The following MAPK12 variants were observed in gnomAD, a reference collection of about 807,000 sequenced individuals.
MAPK12 encodes the protein mitogen-activated protein kinase 12.
Under a neutral mutation model 49.1 loss-of-function variants are expected in MAPK12, and 49 were observed. That is an observed-to-expected ratio of 1.00 (90% CI 0.79 to 1.27). MAPK12 has a LOEUF of 1.27. Ranked by LOEUF, MAPK12 falls within the 50% of genes most tolerant of loss-of-function variation. The pLI is 0.00. For missense variants in MAPK12, 554 were observed against 502.4 expected (o/e 1.10, Z -0.98); for synonymous variants, 251 against 209.7 (o/e 1.20, Z -1.70).
Position 50,257,055 on chromosome 22 carries a change from C to G in MAPK12, c.426+27G>C, listed in dbSNP as rs369549641. The G allele has an allele frequency of 6.8e-6, 11 of 1,608,194 alleles. No individual in the cohort carries two copies. In the African/African-American group the frequency reaches 1.5e-4, roughly 21 times the overall value. ...CCCAGCCCCGAGGCCCTGCCTGCCT[C>G]CCTGCAGCCTCCCCCGGGGCCCGTA... On this transcript the variant is annotated intron_variant, in intron 4 of 11. Transcript: ENST00000215659.
rs2065144301 is a variant in MAPK12 at position 50,255,820 on chromosome 22, C to CT, written c.680dup (p.Ser229GlnfsTer20). 1 of 1,612,758 alleles carries CT rather than the reference C, an allele frequency of 6.2e-7. No homozygotes were observed. The highest frequency in any genetic ancestry group is 2.2e-5 in the East Asian group (1 of 44,884). ...GCGGCTGGAGGATACGGTCGCTGCC[C>CT]TTGAACAGCGTCTTGCCTGTGATCA... On this transcript the variant is annotated frameshift_variant, in exon 8 of 12. Coordinates refer to ENST00000215659, the MANE Select transcript of MAPK12 (RefSeq NM_002969.6). LOFTEE classifies it high-confidence loss of function.
chr22:50,260,349 G>A (rs965006125), intron 2 of MAPK12, among the ~76,000 whole-genome samples: 2 of 152,012 alleles, frequency 1.3e-5, no homozygotes, highest in East Asian at 1.9e-4. Context: ...GGTAGGGTCC[G>A]GGTGCCCAGA....
chr22:50,259,602 G>A (rs2065188196), intron 2 of MAPK12, among the ~76,000 whole-genome samples: 1 of 152,166 alleles, frequency 6.6e-6, no homozygotes, highest in African/African-American at 2.4e-5. Context: ...CCCCGGTGGA[G>A]CCCGGCGCGG....
Position 50,256,658 on chromosome 22 carries a change from G to C in MAPK12, c.457-12C>G. Reference sequence around the variant, plus strand: ...CCGGGCTTCAGGTCCTGGGGGCAGAGGAAAGGTGGCCACTGTGCCCCACCC... The same window carrying C: ...CCGGGCTTCAGGTCCTGGGGGCAGACGAAAGGTGGCCACTGTGCCCCACCC... On this transcript the variant is annotated splice_polypyrimidine_tract_variant and intron_variant, in intron 5 of 11. Transcript: ENST00000215659. 2 of 1,607,962 alleles carry C rather than the reference G, an allele frequency of 1.2e-6. No individual in the cohort carries two copies. The highest frequency in any genetic ancestry group is 1.7e-6 in the Non-Finnish European group (2 of 1,177,376).
chr22:50,261,533 C>T lies in MAPK12; in HGVS notation c.-24G>A. 2 of 1,108,174 alleles carry T rather than the reference C, an allele frequency of 1.8e-6. No homozygotes were observed. Among genetic ancestry groups the T allele is most frequent in the Non-Finnish European group, 2.2e-6 (2 of 899,934 alleles). The allele number at this position is 1,108,174 out of a possible 1,614,324, so 68.6% of individuals were successfully genotyped here. ...ATGGCAGGCCCGGGAGCTGCCCACC[C>T]CGCAGAGCCTGCGGGCGGTGCCCCC... On this transcript the variant is annotated 5_prime_UTR_variant, in exon 1 of 12. Transcript: ENST00000215659.
intron 2 of MAPK12, among the ~76,000 whole-genome samples, 170 bp from the exon 3 acceptor site, chr22:50,258,471 C>T (rs114912815): frequency 4.2e-3 from 633 of 152,306 alleles, no homozygotes; most frequent in African/African-American, 0.015. Flanking sequence ...AGCCCTGGCA[C>T]ACATACCCAC....
chr22:50,261,610 G>A lies in MAPK12; in HGVS notation c.-101C>T. On this transcript the variant is annotated 5_prime_UTR_variant, in exon 1 of 12. Transcript: ENST00000215659. ...GCGCGCCTCGGGCCGGCTCCGCGCC[G>A]CTCGTCCGCTCGCCCGCCCGCCCGC... The A allele has an allele frequency of 4.0e-6, 4 of 992,514 alleles. No individual in the cohort carries two copies. The highest frequency in any genetic ancestry group is 4.8e-6 in the Non-Finnish European group (4 of 836,464). The allele number at this position is 992,514 out of a possible 1,614,324, so 61.5% of individuals were successfully genotyped here.
Position 50,261,188 on chromosome 22 carries a change from G to T in MAPK12, c.234C>A (p.Leu78=), listed in dbSNP as rs1415488299. 1.3e-6 allele frequency: 2 copies of T among 1,592,954 alleles called. No individual in the cohort carries two copies. Among genetic ancestry groups the T allele is most frequent in the South Asian group, 1.1e-5 (1 of 88,350 alleles). The part of the protein sequence containing the change: ...AKRAYRELRL[L]KHMRHENVIG... ...TCACGTTCTCGTGGCGCATGTGCTTGAGCAGGCGCAGCTCGCGGTAGGCGC... is the reference window on the plus strand; with the variant it reads ...TCACGTTCTCGTGGCGCATGTGCTTTAGCAGGCGCAGCTCGCGGTAGGCGC... The change falls in exon 2 of 12, where the codon CTC becomes CTA. Residue 78 remains leucine, a synonymous_variant. Transcript: ENST00000215659.
chr22:50,257,727 C>T (rs2065164905), intron 3 of MAPK12: 1 of 635,160 alleles, frequency 1.6e-6, no homozygotes, highest in South Asian at 1.8e-5. Flanking sequence ...CTGACTTGAC[C>T]TCTGCAAGTC....
At position 50,255,479 on chromosome 22, in the gene MAPK12, G is replaced by A. The variant is rs1477693654; in HGVS notation, c.824C>T (p.Ser275Phe). Residue 275 changes from serine to phenylalanine, a missense_variant, in exon 10 of 12, where the codon TCT becomes TTT. Ser to Phe is a radical substitution (Grantham distance 155). Coordinates refer to ENST00000215659, the MANE Select transcript of MAPK12 (RefSeq NM_002969.6). ...LPELEKKDFA[S>F]ILTNASPLAV... ...CAGAGGGCTTGCATTGGTCAGGATAGAGGCAAAATCCTTCTTCTCCAATTC... is the reference window on the plus strand; with the variant it reads ...CAGAGGGCTTGCATTGGTCAGGATAAAGGCAAAATCCTTCTTCTCCAATTC... 1 of 1,613,204 alleles carries A rather than the reference G, an allele frequency of 6.2e-7. No homozygotes were observed. Among genetic ancestry groups the A allele is most frequent in the East Asian group, 2.2e-5 (1 of 44,880 alleles).
chr22:50,258,296 G>A lies in MAPK12; in HGVS notation c.261C>T (p.Ile87=), dbSNP rs143795417. The A allele has an allele frequency of 9.9e-6, 16 of 1,612,824 alleles. No individual in the cohort carries two copies. Among genetic ancestry groups the A allele is most frequent in the African/African-American group, 2.7e-5 (2 of 74,930 alleles). Residue 87 remains isoleucine (I), a synonymous_variant, in exon 3 of 12, where the codon ATC becomes ATT. Coordinates refer to ENST00000215659, the MANE Select transcript of MAPK12 (RefSeq NM_002969.6). The stretch of plus-strand genomic sequence containing the variant: ...CAGGAGTGAATACGTCCAGCAGCCC[G>A]ATCACCTGGGGGGGCCACATAGGGT... ...LLKHMRHENV[I]GLLDVFTPDE... is the part of the protein sequence containing the mutation.
At chr22:50,260,588 G>A (rs532184419) in intron 2 of MAPK12, among the ~76,000 whole-genome samples, 1 of 152,266 alleles carries the variant, frequency 6.6e-6, no homozygotes, top group East Asian at 1.9e-4. Flanking sequence ...TCTGTGAGGC[G>A]GCCACCACGC....
At chr22:50,261,140 T>C in intron 2 of MAPK12, 27 bp downstream of exon 2, 2 of 1,551,048 alleles carry the variant, frequency 1.3e-6, no homozygotes, top group Non-Finnish European at 1.7e-6. Context: ...CCGCGGCGCC[T>C]TCCCGGAGCG....
intron 7 of MAPK12, 98 bp downstream of exon 7, chr22:50,255,987 C>T (rs2065146291): frequency 2.0e-6 from 3 of 1,500,954 alleles, no homozygotes; most frequent in Admixed American, 1.8e-5. Context: ...CCCAGCTCAA[C>T]AGCCTCCCTG....
chr22:50,257,915 T>C, intron 3 of MAPK12: 1 of 774,370 alleles, frequency 1.3e-6, no homozygotes, highest in Non-Finnish European at 2.4e-6. Flanking sequence ...GGCCACACAC[T>C]TGGTGCCAGG....
In MAPK12 at chr22:50,255,477, T is replaced by C; in HGVS notation, c.826A>G (p.Ile276Val). ...PELEKKDFASILTNASPLAVN... is the reference protein window; with the variant it reads ...PELEKKDFASVLTNASPLAVN... ...CCCAGAGGGCTTGCATTGGTCAGGA[T>C]AGAGGCAAAATCCTTCTTCTCCAAT... Residue 276 changes from isoleucine to valine, a missense_variant, in exon 10 of 12, where the codon ATC becomes GTC. By Grantham distance (29) the Ile-to-Val change is conservative (BLOSUM62 3). Coordinates refer to ENST00000215659, the MANE Select transcript of MAPK12 (RefSeq NM_002969.6). The C allele has an allele frequency of 1.9e-6, 3 of 1,613,150 alleles. No homozygotes were observed. The highest frequency in any genetic ancestry group is 1.6e-4 in the Middle Eastern group (1 of 6,062).
At chr22:50,253,538 C>A in intron 11 of MAPK12, 58 bp from the exon 12 acceptor site, 1 of 874,080 alleles carries the variant, frequency 1.1e-6, no homozygotes, top group South Asian at 1.4e-5. Flanking sequence ...TGCCTTCCAT[C>A]CTGGGAGTCG....
intron 2 of MAPK12, 176 bp downstream of exon 2, chr22:50,260,991 C>T: frequency 1.5e-6 from 1 of 680,162 alleles, no homozygotes; most frequent in Non-Finnish European, 2.2e-6. Flanking sequence ...TTGGGGGAGT[C>T]GTCTCCCAAG....
intron 2 of MAPK12, among the ~76,000 whole-genome samples, chr22:50,260,147 T>TGG (rs1384825686): frequency 6.7e-6 from 1 of 149,466 alleles, no homozygotes; most frequent in Admixed American, 6.7e-5. Flanking sequence ...GAGCTGGGGG[T>TGG]CAGGGTGGGC....
Sources: gnomAD v4.1 joint callset for allele counts (sites outside exome capture counted in the v4.1 genomes callset) on GRCh38, gnomAD v4.1.1 for gene constraint, MANE v1.5 for transcripts, NCBI Gene and HGNC (gene_info 2026-07-23, HGNC 2026-07-21) for gene names.